BMP2: variants seen among roughly 807,000 people sequenced by gnomAD.
BMP2 encodes the protein bone morphogenetic protein 2A.
BMP2 carries 2 observed loss-of-function variants against 28.8 expected under a neutral mutation model. The ratio of observed to expected loss-of-function variants is 0.07; its 90% CI spans 0.03 to 0.22. BMP2 has a LOEUF of 0.22. Among genes scored for constraint, BMP2 ranks in the 10% least tolerant of loss-of-function variants. The pLI is 1.00. For missense variants in BMP2, 437 were observed against 517.7 expected (o/e 0.84, Z 1.51); for synonymous variants, 218 against 204.3 (o/e 1.07, Z -0.57).
intron 1 of BMP2, among the ~76,000 whole-genome samples, chr20:6,769,474 T>C (rs896391225): frequency 6.6e-6 from 1 of 152,218 alleles, no homozygotes; most frequent in South Asian, 2.1e-4. Flanking sequence ...GGAAGATACA[T>C]GTGTATCTTG....
At position 6,770,689 on chromosome 20, in the gene BMP2, C is replaced by CT. The variant is rs1414317902; in HGVS notation, c.346+218dup. On this transcript the variant is annotated intron_variant, in intron 2 of 2. Coordinates refer to ENST00000378827, the MANE Select transcript of BMP2 (RefSeq NM_001200.4). ...CCTTTAGTAACTCCGCACCCTCTTCCTGGCTTGCAGCCAGAAGAGCTACTC... is the reference window on the plus strand; with the variant it reads ...CCTTTAGTAACTCCGCACCCTCTTCCTTGGCTTGCAGCCAGAAGAGCTACTC... 3.9e-5 allele frequency among the ~76,000 whole-genome samples: 6 copies of CT among 152,244 alleles called. No homozygotes were observed. In the East Asian group the frequency reaches 1.2e-3, roughly 29 times the overall value.
Position 6,768,598 on chromosome 20 carries a change from C to A in BMP2, c.-285C>A. 2.5e-6 allele frequency: 1 copy of A among 395,190 alleles called. No individual in the cohort carries two copies. The highest frequency in any genetic ancestry group is 4.5e-6 in the Non-Finnish European group (1 of 224,240). 24.5% of individuals were successfully genotyped at this position (395,190 alleles called of 1,614,324 possible). A position where few individuals can be genotyped will look rare whatever the true frequency, so the allele number is the denominator to read the frequency against. On this transcript the variant is annotated 5_prime_UTR_variant, in exon 1 of 3. Transcript: ENST00000378827. ...ACTTGCAGGGAGAATAACTTGCGCA[C>A]CCCACTTTGCGCCGGTGCCTTTGCC... is the stretch of plus-strand genomic sequence containing the variant.
At chr20:6,771,767 C>T (rs1008547817) in intron 2 of BMP2, among the ~76,000 whole-genome samples, 1 of 152,206 alleles carries the variant, frequency 6.6e-6, no homozygotes, top group South Asian at 2.1e-4. Flanking sequence ...AAGTGAGGTG[C>T]TCTCTGCTAG....
intron 2 of BMP2, among the ~76,000 whole-genome samples, chr20:6,775,143 A>C: frequency 6.6e-6 from 1 of 152,188 alleles, no homozygotes; most frequent in East Asian, 1.9e-4. Flanking sequence ...ATAAGTCTCC[A>C]AAAAAGCATA....
In BMP2 at chr20:6,780,233, T is replaced by C. The variant is rs904142137; in HGVS notation, c.*1144T>C. 1 of 152,636 alleles carries C rather than the reference T, an allele frequency of 6.6e-6. No individual in the cohort carries two copies. The highest frequency in any genetic ancestry group is 1.5e-5 in the Non-Finnish European group (1 of 68,048). The allele number at this position is 152,636 out of a possible 1,614,324, so 9.5% of individuals were successfully genotyped here. A position where few individuals can be genotyped will look rare whatever the true frequency, so the allele number is the denominator to read the frequency against. On this transcript the variant is annotated 3_prime_UTR_variant, in exon 3 of 3. Transcript: ENST00000378827. ...TTAAACCTATTTCAGATAATAAATA[T>C]CAAATCTCTGGCATTTCATTCTATA...
In BMP2 at chr20:6,768,863, C is replaced by A; in HGVS notation, c.-20C>A. 4.7e-6 allele frequency: 1 copy of A among 210,708 alleles called. No individual in the cohort carries two copies. Among genetic ancestry groups the A allele is most frequent in the Non-Finnish European group, 9.2e-6 (1 of 108,860 alleles). The allele number at this position is 210,708 out of a possible 1,614,324, so 13.1% of individuals were successfully genotyped here. On this transcript the variant is annotated 5_prime_UTR_variant, in exon 1 of 3. Transcript: ENST00000378827. The stretch of plus-strand genomic sequence containing the variant: ...CCCCGCGTGCTTCTTAGACGGACTG[C>A]GGTCTCCTAAAGGTAGAGGACGCGG...
chr20:6,773,894 T>TG (rs1386963196), intron 2 of BMP2, among the ~76,000 whole-genome samples: 1 of 152,070 alleles, frequency 6.6e-6, no homozygotes, highest in East Asian at 2.0e-4. Context: ...TTACTGGAGA[T>TG]TTTTTAGCCC....
At chr20:6,771,659 G>A (rs563124587) in intron 2 of BMP2, among the ~76,000 whole-genome samples, 2 of 152,310 alleles carry the variant, frequency 1.3e-5, no homozygotes, top group East Asian at 1.9e-4. Context: ...AAGTCCCAAA[G>A]GCAAGCCACA....
At position 6,767,735 on chromosome 20, in the gene BMP2, C is replaced by T. The variant is rs1437513074; in HGVS notation, c.-1148C>T. On this transcript the variant is annotated 5_prime_UTR_variant, in exon 1 of 3. Transcript: ENST00000378827. ...GGAGTCCTCGCCCCGCCGCGCTGCG[C>T]CCGGCTCGCGCTGCGCTAGTCGCTC... 2.3e-5 allele frequency: 4 copies of T among 175,076 alleles called. No individual in the cohort carries two copies. Among genetic ancestry groups the T allele is most frequent in the Non-Finnish European group, 3.6e-5 (3 of 83,822 alleles). 10.8% of individuals were successfully genotyped at this position (175,076 alleles called of 1,614,324 possible).
At position 6,768,704 on chromosome 20, in the gene BMP2, C is replaced by A; in HGVS notation, c.-179C>A. ...TTGCCCGACACTGAGACGCTGTTCC[C>A]AGCGTGAAAAGAGAGACTGCGCGGC... On this transcript the variant is annotated 5_prime_UTR_variant, in exon 1 of 3. Transcript: ENST00000378827. 1 of 396,924 alleles carries A rather than the reference C, an allele frequency of 2.5e-6. No individual in the cohort carries two copies. 24.6% of individuals were successfully genotyped at this position (396,924 alleles called of 1,614,324 possible).
At position 6,768,608 on chromosome 20, in the gene BMP2, C is replaced by A. The variant is rs1310775917; in HGVS notation, c.-275C>A. The A allele has an allele frequency of 2.5e-6, 1 of 395,090 alleles. No homozygotes were observed. The highest frequency in any genetic ancestry group is 4.5e-6 in the Non-Finnish European group (1 of 224,262). 24.5% of individuals were successfully genotyped at this position (395,090 alleles called of 1,614,324 possible). A position where few individuals can be genotyped will look rare whatever the true frequency, so the allele number is the denominator to read the frequency against. On this transcript the variant is annotated 5_prime_UTR_variant, in exon 1 of 3. Coordinates refer to ENST00000378827, the MANE Select transcript of BMP2 (RefSeq NM_001200.4). ...AGAATAACTTGCGCACCCCACTTTGCGCCGGTGCCTTTGCCCCAGCGGAGC... is the reference window on the plus strand; with the variant it reads ...AGAATAACTTGCGCACCCCACTTTGAGCCGGTGCCTTTGCCCCAGCGGAGC...
intron 2 of BMP2, among the ~76,000 whole-genome samples, chr20:6,773,863 T>TTTGTTG (rs1026213156): frequency 3.9e-5 from 6 of 152,062 alleles, no homozygotes; most frequent in East Asian, 1.9e-4. Flanking sequence ...ATCCCCAGGT[T>TTTGTTG]TTGTTGTTGT....
intron 2 of BMP2, among the ~76,000 whole-genome samples, chr20:6,774,064 T>C (rs1478381189): frequency 2.0e-5 from 3 of 152,238 alleles, no homozygotes; most frequent in Non-Finnish European, 4.4e-5. Context: ...CTCATTTCTG[T>C]CTGTTCTGTC....
chr20:6,776,397 A>C (rs1009298823), intron 2 of BMP2, among the ~76,000 whole-genome samples: 1 of 152,208 alleles, frequency 6.6e-6, no homozygotes, highest in Admixed American at 6.5e-5. Flanking sequence ...GGGCCCACCC[A>C]GAGCTGGCCC....
chr20:6,777,517 A>G (rs1196838132), intron 2 of BMP2, among the ~76,000 whole-genome samples: 1 of 152,094 alleles, frequency 6.6e-6, no homozygotes, highest in Non-Finnish European at 1.5e-5. Context: ...TGAGGTCATA[A>G]AGAGGTGAGA....
intron 2 of BMP2, among the ~76,000 whole-genome samples, chr20:6,775,077 C>G (rs1986471800): frequency 1.3e-5 from 2 of 152,118 alleles, no homozygotes; most frequent in Admixed American, 1.3e-4. Context: ...ATCCTCAAAT[C>G]CCTTAAGAAC....
At chr20:6,770,732 G>A (rs371537675) in intron 2 of BMP2, among the ~76,000 whole-genome samples, 36 of 152,340 alleles carry the variant, frequency 2.4e-4, no homozygotes, top group Middle Eastern at 6.8e-3. Context: ...AAGAATTGGA[G>A]AGAAATCAAG....
chr20:6,767,995 G>A lies in BMP2; in HGVS notation c.-888G>A, dbSNP rs1986286037. The stretch of plus-strand genomic sequence containing the variant: ...CCGCGGACGGGCGCGCAGAGCGCCG[G>A]GGACTCCGGAGCCGATCCCTAGCGC... On this transcript the variant is annotated 5_prime_UTR_variant, in exon 1 of 3. Transcript: ENST00000378827. 5.0e-6 allele frequency: 2 copies of A among 397,102 alleles called. No homozygotes were observed. Among genetic ancestry groups the A allele is most frequent in the East Asian group, 3.6e-5 (1 of 27,958 alleles). The allele number at this position is 397,102 out of a possible 1,614,324, so 24.6% of individuals were successfully genotyped here.
chr20:6,778,862 G>A lies in BMP2; in HGVS notation c.964G>A (p.Ala322Thr), dbSNP rs1266204708. ...DWIVAPPGYHAFYCHGECPFP... is the reference protein window; with the variant it reads ...DWIVAPPGYHTFYCHGECPFP... Reference sequence around the variant, plus strand: ...GATTGTGGCTCCCCCGGGGTATCACGCCTTTTACTGCCACGGAGAATGCCC... The same window carrying A: ...GATTGTGGCTCCCCCGGGGTATCACACCTTTTACTGCCACGGAGAATGCCC... Residue 322 changes from alanine (A) to threonine (T), a missense_variant, in exon 3 of 3, where the codon GCC (alanine) becomes ACC (threonine). Coordinates refer to ENST00000378827, the MANE Select transcript of BMP2 (RefSeq NM_001200.4). The surrounding 1 kb of genome is among the most constrained non-coding windows in gnomAD (Gnocchi z 5.0). The A allele has an allele frequency of 2.5e-6, 4 of 1,614,050 alleles. No individual in the cohort carries two copies. The highest frequency in any genetic ancestry group is 3.4e-6 in the Non-Finnish European group (4 of 1,180,002).
Sources: allele counts gnomAD v4.1 joint callset (sites outside exome capture counted in the v4.1 genomes callset), GRCh38; gene constraint gnomAD v4.1.1; non-coding constraint Gnocchi (gnomAD v3.1); transcripts MANE v1.5; gene names NCBI Gene and HGNC (gene_info 2026-07-23, HGNC 2026-07-21).